Variants in NTM observed in about 807,000 individuals in gnomAD.
NTM encodes neurotrimin.
NTM carries 13 observed loss-of-function variants against 42.1 expected under a neutral mutation model. The ratio of observed to expected loss-of-function variants is 0.31; its 90% CI spans 0.20 to 0.49. The LOEUF (loss-of-function observed/expected upper bound fraction) is 0.49. NTM is among the 20% of genes least tolerant of loss of function. NTM has a pLI of 0.99. For missense variants in NTM, 373 were observed against 452.8 expected, an observed-to-expected ratio of 0.82 and a Z score of 1.60; for synonymous variants, 187 against 179.2, an observed-to-expected ratio of 1.04 and a Z score of -0.35.
intron 1 of NTM, among the ~76,000 whole-genome samples, chr11:131,499,172 C>T (rs1049450999): frequency 2.0e-5 from 3 of 152,068 alleles, no homozygotes; most frequent in Non-Finnish European, 4.4e-5. Context: ...AACATAGATT[C>T]GATGGTTCTA....
intron 1 of NTM, among the ~76,000 whole-genome samples, chr11:131,420,582 G>T (rs1179928932): frequency 6.6e-6 from 1 of 152,078 alleles, no homozygotes; most frequent in African/African-American, 2.4e-5. Flanking sequence ...CACTTCACTG[G>T]CAAGATCTTT....
At chr11:131,762,025 C>T (rs2084292781) in intron 1 of NTM, among the ~76,000 whole-genome samples, 1 of 152,144 alleles carries the variant, frequency 6.6e-6, no homozygotes, top group African/African-American at 2.4e-5. Flanking sequence ...CTTGGACTTC[C>T]AGCCTTCAGA....
At chr11:132,024,299 G>A (rs892172311) in intron 2 of NTM, among the ~76,000 whole-genome samples, 1 of 152,166 alleles carries the variant, frequency 6.6e-6, no homozygotes, top group African/African-American at 2.4e-5. Flanking sequence ...AGACTTGAAA[G>A]GCTTGTGCAG....
At chr11:132,029,545 A>C (rs990104095) in intron 2 of NTM, among the ~76,000 whole-genome samples, 2 of 152,070 alleles carry the variant, frequency 1.3e-5, no homozygotes, top group Non-Finnish European at 2.9e-5. Context: ...TTCATGTGAA[A>C]AGCATGATGA....
chr11:131,562,366 TATA>T (rs1184373777), intron 1 of NTM, among the ~76,000 whole-genome samples: 1 of 152,172 alleles, frequency 6.6e-6, no homozygotes, highest in Non-Finnish European at 1.5e-5. Flanking sequence ...TTATGTGAAG[TATA>T]ATCTCATGAG....
At chr11:132,297,879 G>A (rs914830291) in intron 4 of NTM, among the ~76,000 whole-genome samples, 2 of 152,130 alleles carry the variant, frequency 1.3e-5, no homozygotes, top group African/African-American at 4.8e-5. Flanking sequence ...ACCAATGCAC[G>A]TATGCATAAT....
chr11:131,747,550 C>G (rs1036586310), intron 1 of NTM, among the ~76,000 whole-genome samples: 2 of 152,216 alleles, frequency 1.3e-5, no homozygotes, highest in Non-Finnish European at 2.9e-5. Flanking sequence ...CTGAAATCAT[C>G]TTCCACATCT....
At chr11:131,864,316 C>G (rs895297245) in intron 1 of NTM, among the ~76,000 whole-genome samples, 5 of 151,830 alleles carry the variant, frequency 3.3e-5, no homozygotes, top group Non-Finnish European at 5.9e-5. Flanking sequence ...GGCTTCTGGT[C>G]AGTCCCTGGA....
At chr11:131,935,753 C>T (rs536122641) in intron 2 of NTM, among the ~76,000 whole-genome samples, 198 of 152,280 alleles carry the variant, frequency 1.3e-3, no homozygotes, top group Middle Eastern at 3.4e-3. Context: ...TCACTAGTCT[C>T]CTTACCTGTA....
intron 1 of NTM, among the ~76,000 whole-genome samples, chr11:131,516,847 C>T (rs1225765726): frequency 6.6e-6 from 1 of 152,178 alleles, no homozygotes; most frequent in African/African-American, 2.4e-5. Flanking sequence ...TTAGTGGTAA[C>T]GAATCTTTGT....
At chr11:132,099,472 A>G (rs2061388612) in intron 2 of NTM, among the ~76,000 whole-genome samples, 1 of 152,222 alleles carries the variant, frequency 6.6e-6, no homozygotes, top group Non-Finnish European at 1.5e-5. Flanking sequence ...ATGACCCACT[A>G]CAGATTCACA....
chr11:131,771,386 A>G (rs1323214032), intron 1 of NTM: 1 of 152,192 alleles, frequency 6.6e-6, no homozygotes, highest in African/African-American at 2.4e-5. Flanking sequence ...TAATTGTCAC[A>G]GAATATGTGA....
At position 132,188,097 on chromosome 11, in the gene NTM, C is replaced by T. The variant is rs1038256469; in HGVS notation, c.401-23925C>T. On this transcript the variant is annotated intron_variant, in intron 3 of 8. Transcript: ENST00000683400. The stretch of plus-strand genomic sequence containing the variant: ...CATCCTAGTTTGTCACAACTCTGTG[C>T]GTGCGTGTGTGTGTGTGTTTGTGTG... Among the ~76,000 whole-genome samples, 8 of 151,942 alleles carry T rather than the reference C, an allele frequency of 5.3e-5. No homozygotes were observed. In the East Asian group the frequency reaches 9.7e-4, roughly 18 times the overall value.
At chr11:131,418,453 G>T (rs1162470707) in intron 1 of NTM, among the ~76,000 whole-genome samples, 1 of 152,216 alleles carries the variant, frequency 6.6e-6, no homozygotes, top group African/African-American at 2.4e-5. Context: ...AGTCTCCTTT[G>T]TTTCCCATCT....
chr11:132,107,127 C>T (rs779449404), intron 2 of NTM, among the ~76,000 whole-genome samples: 4 of 151,986 alleles, frequency 2.6e-5, no homozygotes, highest in Non-Finnish European at 5.9e-5. Flanking sequence ...AATAGAGACC[C>T]GTTCTCATGG....
chr11:132,306,696 A>G (rs2095096905), intron 4 of NTM, among the ~76,000 whole-genome samples: 1 of 152,138 alleles, frequency 6.6e-6, no homozygotes, highest in Non-Finnish European at 1.5e-5. Flanking sequence ...ATTTCCTTTT[A>G]AAGGTATCCA....
At chr11:131,814,442 A>G (rs150033413) in intron 1 of NTM, among the ~76,000 whole-genome samples, 542 of 152,146 alleles carry the variant, frequency 3.6e-3, no homozygotes, top group African/African-American at 0.012. Context: ...TTCTGATCAC[A>G]CTCAAGTGTT....
intron 1 of NTM, chr11:131,546,837 AT>A (rs1454260249): frequency 6.6e-6 from 1 of 152,244 alleles, no homozygotes; most frequent in African/African-American, 2.4e-5. Flanking sequence ...CTTTCTTTCC[AT>A]TGCTTCTCAA....
At chr11:131,840,134 G>GACTCAGGA (rs1267102732) in intron 1 of NTM, among the ~76,000 whole-genome samples, 1 of 152,160 alleles carries the variant, frequency 6.6e-6, no homozygotes, top group East Asian at 1.9e-4. Context: ...ACACTCCTGT[G>GACTCAGGA]ACTCAGGAAT....
Sources: allele counts gnomAD v4.1 joint callset (sites outside exome capture counted in the v4.1 genomes callset), GRCh38; gene constraint gnomAD v4.1.1; transcripts MANE v1.5; gene names NCBI Gene and HGNC (gene_info 2026-07-23, HGNC 2026-07-21).